The following IYD variants were observed in gnomAD, a reference collection of about 807,000 sequenced individuals.
IYD encodes iodotyrosine deiodinase.
Under a neutral mutation model 28.4 loss-of-function variants are expected in IYD, and 25 were observed. The observed-to-expected ratio is 0.88, with a 90% CI of 0.64 to 1.23. IYD has a LOEUF of 1.23. Ranked by LOEUF, IYD falls within the 50% of genes most tolerant of loss-of-function variation. The pLI is 0.00. For synonymous variants in IYD, 140 were observed against 130.8 expected, an observed-to-expected ratio of 1.07 and a Z score of -0.48; for missense variants, 352 against 357.9, an observed-to-expected ratio of 0.98 and a Z score of 0.13.
chr6:150,395,387 G>A (rs1778273239), intron 4 of IYD: 3 of 1,535,260 alleles, frequency 2.0e-6, no homozygotes, highest in Non-Finnish European at 2.6e-6. Flanking sequence ...ATTGAAATGT[G>A]TTTTAGGTTT....
intron 1 of IYD, among the ~76,000 whole-genome samples, chr6:150,382,274 G>A (rs544168696): frequency 4.0e-4 from 61 of 152,214 alleles, no homozygotes; most frequent in East Asian, 5.8e-4. Context: ...GGTTGAGGCC[G>A]TCTCTCAGCT....
intron 1 of IYD, among the ~76,000 whole-genome samples, 165 bp from the exon 2 acceptor site, chr6:150,389,184 AGTC>A (rs1438181928): frequency 6.6e-6 from 1 of 152,232 alleles, no homozygotes; most frequent in East Asian, 1.9e-4. Flanking sequence ...TTTTAAGGAT[AGTC>A]AAGATCAGTG....
At chr6:150,396,148 T>C in intron 4 of IYD, 1 of 256,532 alleles carries the variant, frequency 3.9e-6, no homozygotes, top group Non-Finnish European at 7.3e-6. Flanking sequence ...AAAATAACTG[T>C]GGATTTCATT....
intron 1 of IYD, chr6:150,385,206 A>C (rs1777815712): frequency 6.6e-6 from 1 of 152,174 alleles, no homozygotes; most frequent in African/African-American, 2.4e-5. Flanking sequence ...CAAGGTCGTG[A>C]AGACATTCTC....
In IYD at chr6:150,392,517, G is replaced by A. The variant is rs201477495; in HGVS notation, c.530+13G>A. 163 of 1,613,510 alleles carry A rather than the reference G, an allele frequency of 1.0e-4. No homozygotes were observed. Among genetic ancestry groups the A allele is most frequent in the Admixed American group, 2.0e-4 (12 of 60,012 alleles). ...TCAAGAAACTGAGGTACAAACAGTG[G>A]TGGAACTGGGGATGTTTGCCTTGGC... is the stretch of plus-strand genomic sequence containing the variant. On this transcript the variant is annotated intron_variant, in intron 3 of 4. Transcript: ENST00000344419.
chr6:150,371,609 C>G (rs553161442), intron 1 of IYD, among the ~76,000 whole-genome samples: 12 of 152,302 alleles, frequency 7.9e-5, no homozygotes, highest in African/African-American at 2.9e-4. Flanking sequence ...TGGCTCTCTG[C>G]CTGATCACTT....
Position 150,372,642 on chromosome 6 carries a change from G to T in IYD, c.178+3433G>T, listed in dbSNP as rs76001907. 6.7e-4 allele frequency among the ~76,000 whole-genome samples: 33 copies of T among 49,502 alleles called. 2 individuals carry two copies. The highest frequency in any genetic ancestry group is 3.3e-4 in the Non-Finnish European group (6 of 18,422). 32.5% of individuals were successfully genotyped at this position (49,502 alleles called of 152,430 possible). A position where few individuals can be genotyped will look rare whatever the true frequency, so the allele number is the denominator to read the frequency against. ...GTTAGACATGTGTGTGTATGGGTGG[G>T]GTGGGGGTGGTGAGGGAACATTGTG... is the stretch of plus-strand genomic sequence containing the variant. On this transcript the variant is annotated intron_variant, in intron 1 of 4. Coordinates refer to ENST00000344419, the MANE Select transcript of IYD (RefSeq NM_203395.3).
chr6:150,380,648 G>A (rs1396555485), intron 1 of IYD, among the ~76,000 whole-genome samples: 2 of 152,160 alleles, frequency 1.3e-5, no homozygotes, highest in Non-Finnish European at 2.9e-5. Context: ...TGTCTATGGA[G>A]CCACCTCTGG....
intron 1 of IYD, among the ~76,000 whole-genome samples, chr6:150,381,296 T>C (rs1777637733): frequency 6.6e-6 from 1 of 152,234 alleles, no homozygotes; most frequent in Non-Finnish European, 1.5e-5. Flanking sequence ...CCACTGTATC[T>C]AGACTTTACC....
At chr6:150,396,008 G>A (rs1477696383) in intron 4 of IYD, 1 of 310,898 alleles carries the variant, frequency 3.2e-6, no homozygotes, top group Non-Finnish European at 5.9e-6. Flanking sequence ...GGTGGTTGTT[G>A]TTTAGAATAT....
At position 150,398,065 on chromosome 6, in the gene IYD, T is replaced by C. The variant is rs988299966; in HGVS notation, c.698T>C (p.Leu233Pro). 9.3e-6 allele frequency: 15 copies of C among 1,614,080 alleles called. No homozygotes were observed. Among genetic ancestry groups the C allele is most frequent in the African/African-American group, 2.7e-5 (2 of 74,944 alleles). ...GTCCTCTTATTTTAGAATGCAGGTCTGGTGACTGTCACTACCACTCCTCTC... is the reference window on the plus strand; with the variant it reads ...GTCCTCTTATTTTAGAATGCAGGTCCGGTGACTGTCACTACCACTCCTCTC... Reference protein sequence around the residue: ...ILLAALQNAGLVTVTTTPLNC... With the variant: ...ILLAALQNAGPVTVTTTPLNC... Residue 233 changes from leucine to proline, a missense_variant, in exon 5 of 5, where the codon CTG (leucine) becomes CCG (proline). By Grantham distance (98) the Leu-to-Pro change is moderately conservative. Transcript: ENST00000344419.
intron 2 of IYD, among the ~76,000 whole-genome samples, chr6:150,390,151 T>C (rs1291729873): frequency 6.6e-6 from 1 of 152,206 alleles, no homozygotes; most frequent in African/African-American, 2.4e-5. Flanking sequence ...TCTCCTGTGA[T>C]TGGAGTCTTA....
intron 1 of IYD, among the ~76,000 whole-genome samples, chr6:150,374,447 A>G (rs947103415): frequency 1.3e-5 from 2 of 152,268 alleles, no homozygotes; most frequent in African/African-American, 4.8e-5. Flanking sequence ...TAATTTATAA[A>G]GAAAAAGATT....
intron 1 of IYD, among the ~76,000 whole-genome samples, chr6:150,378,006 A>T (rs1777511426): frequency 1.3e-5 from 2 of 152,162 alleles, no homozygotes; most frequent in Admixed American, 1.3e-4. Flanking sequence ...CTAGAGAAAT[A>T]TAAAAGGAAG....
intron 1 of IYD, among the ~76,000 whole-genome samples, chr6:150,388,757 A>G (rs1226387162): frequency 2.2e-5 from 3 of 138,566 alleles, no homozygotes; most frequent in African/African-American, 5.5e-5. Flanking sequence ...GCTGGAGTGC[A>G]GTGGTGCAAT....
Position 150,404,105 on chromosome 6 carries a change from T to C in IYD, c.*5868T>C, listed in dbSNP as rs548992906. On this transcript the variant is annotated 3_prime_UTR_variant, in exon 5 of 5. Transcript: ENST00000344419. ...TGGAGTACTGTCTTATGACCAGAGATCCTAAGCAACCTCTGCTCATCTGAG... is the reference window on the plus strand; with the variant it reads ...TGGAGTACTGTCTTATGACCAGAGACCCTAAGCAACCTCTGCTCATCTGAG... 3 of 152,282 alleles carry C rather than the reference T, an allele frequency of 2.0e-5. No individual in the cohort carries two copies. The East Asian group carries it at 5.8e-4, about 29-fold the overall frequency. The allele number at this position is 152,282 out of a possible 1,614,324, so 9.4% of individuals were successfully genotyped here. A position where few individuals can be genotyped will look rare whatever the true frequency, so the allele number is the denominator to read the frequency against.
chr6:150,376,928 C>G (rs1777464809), intron 1 of IYD, among the ~76,000 whole-genome samples: 2 of 152,144 alleles, frequency 1.3e-5, no homozygotes, highest in South Asian at 4.1e-4. Flanking sequence ...ATCCTAATTA[C>G]ATTTCTTTTG....
intron 1 of IYD, among the ~76,000 whole-genome samples, chr6:150,380,271 A>G (rs1480539624): frequency 6.6e-6 from 1 of 152,164 alleles, no homozygotes; most frequent in Non-Finnish European, 1.5e-5. Flanking sequence ...TACCCACCAG[A>G]GATTTTTATT....
chr6:150,394,995 G>T (rs926891691), intron 4 of IYD, among the ~76,000 whole-genome samples: 1 of 152,038 alleles, frequency 6.6e-6, no homozygotes, highest in East Asian at 1.9e-4. Context: ...GCTAATTTTT[G>T]CATTTTTTGT....
Sources: allele counts gnomAD v4.1 joint callset (sites outside exome capture counted in the v4.1 genomes callset), GRCh38; gene constraint gnomAD v4.1.1; transcripts MANE v1.5; gene names NCBI Gene and HGNC (gene_info 2026-07-23, HGNC 2026-07-21).